ELK3: variants seen among roughly 807,000 people sequenced by gnomAD.
ELK3 encodes ETS domain-containing protein Elk-3.
In ELK3, 10 loss-of-function variants were observed where a neutral mutation model predicts 28.9. That is an observed-to-expected ratio of 0.35 (90% CI 0.21 to 0.59). The LOEUF (loss-of-function observed/expected upper bound fraction) is 0.59, where lower values mean the gene tolerates loss of function less well. Among genes scored for constraint, ELK3 ranks in the 20% least tolerant of loss-of-function variants. ELK3 has a pLI of 0.82. For synonymous variants in ELK3, 272 were observed against 243.5 expected (o/e 1.12, Z -1.09); for missense variants, 463 against 517.3 (o/e 0.90, Z 1.02).
chr12:96,218,062 A>G (rs1951632829), intron 1 of ELK3, among the ~76,000 whole-genome samples: 1 of 151,544 alleles, frequency 6.6e-6, no homozygotes, highest in African/African-American at 2.4e-5. Flanking sequence ...ATCTAACTTC[A>G]CTCTACCATG....
At chr12:96,266,586 TCTTA>T (rs1324768083) in intron 4 of ELK3, among the ~76,000 whole-genome samples, 1 of 152,198 alleles carries the variant, frequency 6.6e-6, no homozygotes, top group Non-Finnish European at 1.5e-5. Flanking sequence ...TAAATACATT[TCTTA>T]CTTTAGAATA....
intron 2 of ELK3, 69 bp downstream of exon 2, chr12:96,223,842 A>G: frequency 6.8e-7 from 1 of 1,464,512 alleles, no homozygotes. Context: ...TTCACTGATG[A>G]AAGAAAATAA....
At chr12:96,196,676 A>AC (rs898761482) in intron 1 of ELK3, among the ~76,000 whole-genome samples, 8 of 149,828 alleles carry the variant, frequency 5.3e-5, no homozygotes, top group African/African-American at 2.0e-4. Context: ...CTGCCTAGAA[A>AC]CCCCCCTGAG....
rs769911053 is a variant in ELK3 at position 96,267,945 on chromosome 12, T to C, written c.*765T>C. On this transcript the variant is annotated 3_prime_UTR_variant, in exon 5 of 5. Transcript: ENST00000228741. ...ATGCCTCCCAGACAAAAATCTGAGA[T>C]GGAAAAGCTACATCAAGTTCATGCT... 6 of 152,346 alleles carry C rather than the reference T, an allele frequency of 3.9e-5. No homozygotes were observed. The highest frequency in any genetic ancestry group is 1.3e-4 in the Admixed American group (2 of 15,270). 9.4% of individuals were successfully genotyped at this position (152,346 alleles called of 1,614,324 possible). A position where few individuals can be genotyped will look rare whatever the true frequency, so the allele number is the denominator to read the frequency against.
chr12:96,212,504 A>G (rs559071019), intron 1 of ELK3, among the ~76,000 whole-genome samples: 19 of 152,306 alleles, frequency 1.2e-4, no homozygotes, highest in Middle Eastern at 3.4e-3. Context: ...CTGTTTTAAT[A>G]CAGAAGGTTA....
intron 3 of ELK3, among the ~76,000 whole-genome samples, chr12:96,250,717 C>CTG (rs1303368396): frequency 6.6e-6 from 1 of 152,162 alleles, no homozygotes; most frequent in African/African-American, 2.4e-5. Context: ...CTCCTTTTCT[C>CTG]TGTGTGTGGG....
chr12:96,255,578 TACGAAG>T (rs1266362000), intron 3 of ELK3: 1 of 152,218 alleles, frequency 6.6e-6, no homozygotes, highest in African/African-American at 2.4e-5. Context: ...GGGAAGTGTC[TACGAAG>T]AGTCAAACTC....
At chr12:96,255,536 GAC>G (rs913382624) in intron 3 of ELK3, 8 of 152,282 alleles carry the variant, frequency 5.3e-5, no homozygotes, top group African/African-American at 1.9e-4. Flanking sequence ...GAAAGCTCAG[GAC>G]ACATCAAAGC....
chr12:96,251,116 C>G (rs1053037487), intron 3 of ELK3, among the ~76,000 whole-genome samples: 1 of 152,226 alleles, frequency 6.6e-6, no homozygotes. Context: ...CACACTCACT[C>G]CGTGTTTCAA....
chr12:96,235,140 G>A (rs1054370300), intron 2 of ELK3, among the ~76,000 whole-genome samples: 2 of 151,976 alleles, frequency 1.3e-5, no homozygotes, highest in Non-Finnish European at 2.9e-5. Flanking sequence ...CGGCCTCCAG[G>A]AAGGAGTCCA....
At chr12:96,226,210 A>C (rs1026914006) in intron 2 of ELK3, among the ~76,000 whole-genome samples, 1 of 152,130 alleles carries the variant, frequency 6.6e-6, no homozygotes, top group African/African-American at 2.4e-5. Context: ...GGTAGAGCCC[A>C]AGGTCAGGAG....
At chr12:96,244,835 T>C (rs1951845396) in intron 2 of ELK3, among the ~76,000 whole-genome samples, 2 of 152,186 alleles carry the variant, frequency 1.3e-5, no homozygotes, top group Non-Finnish European at 2.9e-5. Flanking sequence ...TTCCTGGGCA[T>C]GTTCTGACCC....
intron 2 of ELK3, among the ~76,000 whole-genome samples, chr12:96,243,347 A>G (rs1455325847): frequency 3.3e-5 from 5 of 152,190 alleles, no homozygotes; most frequent in African/African-American, 7.2e-5. Flanking sequence ...TATAGATATC[A>G]TGATTCTGGA....
At chr12:96,207,240 G>T (rs896872588) in intron 1 of ELK3, among the ~76,000 whole-genome samples, 1 of 152,172 alleles carries the variant, frequency 6.6e-6, no homozygotes, top group Non-Finnish European at 1.5e-5. Flanking sequence ...TAGAGGTGCT[G>T]TATACTTAGA....
Position 96,267,196 on chromosome 12 carries a change from AT to A in ELK3, c.*18del. 6.2e-7 allele frequency: 1 copy of A among 1,606,618 alleles called. No homozygotes were observed. The highest frequency in any genetic ancestry group is 1.1e-5 in the South Asian group (1 of 89,860). ...GAAATCCTGATGACGTCTGGCCACA[AT>A]TAAGGACTCATTAACTGATGAAACA... On this transcript the variant is annotated 3_prime_UTR_variant, in exon 5 of 5. Transcript: ENST00000228741.
intron 1 of ELK3, among the ~76,000 whole-genome samples, chr12:96,198,651 A>G (rs1170026029): frequency 3.3e-5 from 5 of 151,998 alleles, no homozygotes; most frequent in Admixed American, 3.3e-4. Flanking sequence ...TTTTTTTCCT[A>G]TTGTAAAAAA....
At chr12:96,221,223 A>T (rs1951659328) in intron 1 of ELK3, among the ~76,000 whole-genome samples, 1 of 152,218 alleles carries the variant, frequency 6.6e-6, no homozygotes, top group Non-Finnish European at 1.5e-5. Flanking sequence ...CATGCCCAGA[A>T]CATGGTCTCT....
At chr12:96,209,563 T>G (rs1951563128) in intron 1 of ELK3, among the ~76,000 whole-genome samples, 1 of 152,360 alleles carries the variant, frequency 6.6e-6, no homozygotes, top group Admixed American at 6.5e-5. Flanking sequence ...ATCAGAAAGA[T>G]TAGGGTTTCA....
At chr12:96,225,022 C>G (rs4762286) in intron 2 of ELK3, among the ~76,000 whole-genome samples, 10 of 152,232 alleles carry the variant, frequency 6.6e-5, no homozygotes, top group East Asian at 3.9e-4. Context: ...TCTCCTTTAA[C>G]GTAGCAATTA....
Sources: allele counts gnomAD v4.1 joint callset (sites outside exome capture counted in the v4.1 genomes callset), GRCh38; gene constraint gnomAD v4.1.1; transcripts MANE v1.5; gene names NCBI Gene and HGNC (gene_info 2026-07-23, HGNC 2026-07-21).